The following SAMTOR variants were observed in gnomAD, a reference collection of about 807,000 sequenced individuals.
SAMTOR encodes S-adenosylmethionine sensor upstream of mTORC1, also known as UPF0532 protein C7orf60.
chr7:112,822,280 T>C, the SAMTOR span: 1 of 1,613,466 alleles, frequency 6.2e-7, no homozygotes, highest in Non-Finnish European at 8.5e-7. Flanking sequence ...TCAATAGGGT[T>C]TTTCAGCTGC....
chr7:112,849,793 G>A, the SAMTOR span, among the ~76,000 whole-genome samples: 2 of 152,060 alleles, frequency 1.3e-5, no homozygotes, highest in African/African-American at 4.8e-5. Context: ...GTTTGTTGAG[G>A]GGTTTTATGA....
chr7:112,859,047 T>C, the SAMTOR span, among the ~76,000 whole-genome samples: 1 of 152,128 alleles, frequency 6.6e-6, no homozygotes, highest in South Asian at 2.1e-4. Flanking sequence ...CCTCATCCAA[T>C]CAGTTGAAGG....
At chr7:112,865,520 C>T in the SAMTOR span, among the ~76,000 whole-genome samples, 1 of 151,694 alleles carries the variant, frequency 6.6e-6, no homozygotes, top group South Asian at 2.1e-4. Context: ...TTGTGATCCG[C>T]CCGCCTAGGC....
chr7:112,857,912 G>A, the SAMTOR span, among the ~76,000 whole-genome samples: 1 of 152,150 alleles, frequency 6.6e-6, no homozygotes. Flanking sequence ...AGTAGGAGGT[G>A]AGCAAACACT....
the SAMTOR span, among the ~76,000 whole-genome samples, chr7:112,857,155 A>G: frequency 7.1e-6 from 1 of 141,632 alleles, no homozygotes; most frequent in Admixed American, 7.6e-5. Flanking sequence ...GCAGTGGCGC[A>G]ATCTCGGCTC....
At chr7:112,902,378 T>C in the SAMTOR span, among the ~76,000 whole-genome samples, 1 of 126,508 alleles carries the variant, frequency 7.9e-6, no homozygotes. Context: ...ATCGCGGCAT[T>C]GCACTCCAGC....
At chr7:112,909,022 G>GC in the SAMTOR span, among the ~76,000 whole-genome samples, 1 of 152,196 alleles carries the variant, frequency 6.6e-6, no homozygotes, top group Non-Finnish European at 1.5e-5. Flanking sequence ...CGTAACAACT[G>GC]CAAGAAGCCA....
the SAMTOR span, among the ~76,000 whole-genome samples, chr7:112,857,342 C>T: frequency 2.1e-3 from 305 of 148,746 alleles, 10 homozygotes; most frequent in African/African-American, 7.1e-3. Context: ...CCACCCGCCT[C>T]GGCCTCCCAA....
At chr7:112,886,966 C>T in the SAMTOR span, among the ~76,000 whole-genome samples, 1 of 152,170 alleles carries the variant, frequency 6.6e-6, no homozygotes, top group Non-Finnish European at 1.5e-5. Context: ...AAGTTCAAGA[C>T]CAGCCTGGGC....
At chr7:112,922,820 G>C in the SAMTOR span, among the ~76,000 whole-genome samples, 1 of 151,106 alleles carries the variant, frequency 6.6e-6, no homozygotes, top group South Asian at 2.1e-4. Context: ...CGCCCCGTCC[G>C]GGAGGGAGGT....
chr7:112,926,257 C>A, the SAMTOR span, among the ~76,000 whole-genome samples: 3 of 152,144 alleles, frequency 2.0e-5, no homozygotes, highest in African/African-American at 7.2e-5. Context: ...GCAACACAGG[C>A]ATCTGTTAGA....
chr7:112,832,512 G>T, the SAMTOR span: 1 of 1,056,494 alleles, frequency 9.5e-7, no homozygotes, highest in Non-Finnish European at 1.5e-6. Flanking sequence ...CTTTTCTTTT[G>T]TAAATATACA....
chr7:112,868,003 G>A, the SAMTOR span, among the ~76,000 whole-genome samples: 1 of 152,178 alleles, frequency 6.6e-6, no homozygotes, highest in African/African-American at 2.4e-5. Context: ...ACATGCAAAG[G>A]ATCTAGGTGG....
the SAMTOR span, among the ~76,000 whole-genome samples, chr7:112,870,873 G>C: frequency 6.6e-6 from 1 of 151,456 alleles, no homozygotes; most frequent in Non-Finnish European, 1.5e-5. Flanking sequence ...AAAAAAAACA[G>C]GGGTCACTAT....
chr7:112,913,141 T>C, the SAMTOR span, among the ~76,000 whole-genome samples: 1 of 152,190 alleles, frequency 6.6e-6, no homozygotes, highest in Non-Finnish European at 1.5e-5. Flanking sequence ...TATAACCATC[T>C]TCTCTCTAGA....
chr7:112,827,356 C>T, the SAMTOR span, among the ~76,000 whole-genome samples: 1 of 152,050 alleles, frequency 6.6e-6, no homozygotes, highest in African/African-American at 2.4e-5. Flanking sequence ...TTGTTGTTCC[C>T]TTCCCCTCTT....
the SAMTOR span, among the ~76,000 whole-genome samples, chr7:112,881,910 G>A: frequency 2.3e-3 from 350 of 152,288 alleles, 1 homozygote; most frequent in African/African-American, 8.2e-3. Context: ...CCCCTACCCC[G>A]CTTGACACAT....
the SAMTOR span, among the ~76,000 whole-genome samples, chr7:112,844,902 T>C: frequency 6.6e-6 from 1 of 151,994 alleles, no homozygotes; most frequent in African/African-American, 2.4e-5. Flanking sequence ...GACAGACGCA[T>C]AGACCAATGG....
At chr7:112,910,795 T>C in the SAMTOR span, among the ~76,000 whole-genome samples, 1 of 152,088 alleles carries the variant, frequency 6.6e-6, no homozygotes, top group Non-Finnish European at 1.5e-5. Flanking sequence ...AAATAAATAA[T>C]TGGTACCATG....
Sources: allele counts gnomAD v4.1 joint callset (sites outside exome capture counted in the v4.1 genomes callset), GRCh38; gene constraint gnomAD v4.1.1; transcripts MANE v1.5; gene names NCBI Gene and HGNC (gene_info 2026-07-23, HGNC 2026-07-21).